SPEGNB: variants seen among roughly 807,000 people sequenced by gnomAD.
SPEGNB encodes the protein SPEG neighbor, also known as SPEG neighbor protein.
In SPEGNB, 12 loss-of-function variants were observed where a neutral mutation model predicts 18.3. The observed-to-expected ratio is 0.65, with a 90% CI of 0.42 to 1.06. The LOEUF (loss-of-function observed/expected upper bound fraction) is 1.06, where lower values mean the gene tolerates loss of function less well. SPEGNB is among the 50% of genes least tolerant of loss of function. The pLI is 0.00. For missense variants in SPEGNB, 273 were observed against 329.3 expected (o/e 0.83, Z 1.32); for synonymous variants, 113 against 138.8 (o/e 0.81, Z 1.31).
chr2:219,496,719 A>C, intron 2 of SPEGNB, 90 bp from the exon 3 acceptor site: 1 of 1,130,366 alleles, frequency 8.8e-7, no homozygotes, highest in South Asian at 1.6e-5. Flanking sequence ...TGGCCGGTCC[A>C]GGGGGCAGGT....
intron 3 of SPEGNB, chr2:219,497,478 T>G: frequency 5.1e-6 from 2 of 394,714 alleles, no homozygotes; most frequent in Non-Finnish European, 4.3e-6. Context: ...TGTGTGAACA[T>G]TCAGGGGCTT....
chr2:219,496,724 G>C (rs1396531399), intron 2 of SPEGNB, 85 bp from the exon 3 acceptor site: 3 of 1,140,106 alleles, frequency 2.6e-6, no homozygotes, highest in Admixed American at 3.5e-5. Flanking sequence ...GGTCCAGGGG[G>C]CAGGTAGGAG....
rs1430347772 is a variant in SPEGNB at position 219,498,081 on chromosome 2, G to A, written c.609G>A (p.Thr203=). 1 of 1,303,852 alleles carries A rather than the reference G, an allele frequency of 7.7e-7. No homozygotes were observed. The highest frequency in any genetic ancestry group is 1.0e-6 in the Non-Finnish European group (1 of 988,736). 80.8% of individuals were successfully genotyped at this position (1,303,852 alleles called of 1,614,324 possible). The change falls in exon 5 of 5, where the codon ACG becomes ACA. Residue 203 remains threonine (T), a synonymous_variant. Coordinates refer to ENST00000651166, the MANE Select transcript of SPEGNB (RefSeq NM_001286811.2). The part of the protein sequence containing the change: ...RVFFEIGSTT[T]TLTIRRATPQ... ...TCTTCGAGATCGGCAGCACCACCAC[G>A]ACGCTGACCATTCGCCGGGCCACGC...
rs1389813447 is a variant in SPEGNB at position 219,496,997 on chromosome 2, A to T, written c.317A>T (p.Asp106Val). The T allele has an allele frequency of 1.5e-6, 2 of 1,302,536 alleles. No individual in the cohort carries two copies. Among genetic ancestry groups the T allele is most frequent in the Non-Finnish European group, 2.0e-6 (2 of 987,574 alleles). 80.7% of individuals were successfully genotyped at this position (1,302,536 alleles called of 1,614,324 possible). The change falls in exon 3 of 5, where the codon GAC (aspartate) becomes GTC (valine). Residue 106 changes from aspartate to valine, a missense_variant. Physicochemically the swap from Asp to Val is radical, Grantham distance 152 (BLOSUM62 -3). Transcript: ENST00000651166. ...DGPKYRYVFE[D>V]PDVVALVVRD... ...CCCAAGTACCGCTACGTCTTCGAGG[A>T]CCCTGACGTGGTGGCACTGGTGGTG...
chr2:219,497,716 C>A lies in SPEGNB; in HGVS notation c.437-4C>A. On this transcript the variant is annotated splice_polypyrimidine_tract_variant and splice_region_variant and intron_variant, in intron 3 of 4. Coordinates refer to ENST00000651166, the MANE Select transcript of SPEGNB (RefSeq NM_001286811.2). ...GGGGTTTCGCTCCCCTTTCCTTCCG[C>A]TAGTCCCGACGAAGATTCAAAAGGG... The A allele has an allele frequency of 7.7e-7, 1 of 1,303,644 alleles. No homozygotes were observed. 80.8% of individuals were successfully genotyped at this position (1,303,644 alleles called of 1,614,324 possible). A position where few individuals can be genotyped will look rare whatever the true frequency, so the allele number is the denominator to read the frequency against.
chr2:219,497,822 G>T lies in SPEGNB; in HGVS notation c.539G>T (p.Gly180Val), dbSNP rs1445128481. Residue 180 changes from glycine (G) to valine (V), a missense_variant, in exon 4 of 5, where the codon GGC becomes GTC. By Grantham distance (109) the Gly-to-Val change is moderately radical (BLOSUM62 -3). Transcript: ENST00000651166. ...CTGGGAGAGCCTGCGCCCGACGTAGGCTGGACCAAGGACGGGGAGGACATC... is the reference window on the plus strand; with the variant it reads ...CTGGGAGAGCCTGCGCCCGACGTAGTCTGGACCAAGGACGGGGAGGACATC... ...EILGEPAPDV[G>V]WTKDGEDIEE... is the part of the protein sequence containing the mutation. 7.7e-7 allele frequency: 1 copy of T among 1,304,286 alleles called. No homozygotes were observed. Among genetic ancestry groups the T allele is most frequent in the Admixed American group, 2.3e-5 (1 of 43,576 alleles). The allele number at this position is 1,304,286 out of a possible 1,614,324, so 80.8% of individuals were successfully genotyped here.
rs548741085 is a variant in SPEGNB, at chr2:219,497,690, C to A, written c.437-30C>A. On this transcript the variant is annotated intron_variant, in intron 3 of 4. Transcript: ENST00000651166. ...CCCTGCCTCATCTCCGGGTCCTTCA[C>A]GGGGTTTCGCTCCCCTTTCCTTCCG... 3 of 1,297,720 alleles carry A rather than the reference C, an allele frequency of 2.3e-6. No individual in the cohort carries two copies. In the East Asian group the frequency reaches 1.7e-4, roughly 73 times the overall value. 80.4% of individuals were successfully genotyped at this position (1,297,720 alleles called of 1,614,324 possible).
At chr2:219,497,655 T>C in intron 3 of SPEGNB, 65 bp from the exon 4 acceptor site, 2 of 1,274,022 alleles carry the variant, frequency 1.6e-6, no homozygotes, top group Admixed American at 5.0e-5. Context: ...TATTAGCCGG[T>C]GAGGTGATGC....
chr2:219,498,072 C>T lies in SPEGNB; in HGVS notation c.600C>T (p.Ser200=). The T allele has an allele frequency of 3.8e-6, 5 of 1,303,258 alleles. No homozygotes were observed. Among genetic ancestry groups the T allele is most frequent in the Non-Finnish European group, 5.1e-6 (5 of 988,444 alleles). The allele number at this position is 1,303,258 out of a possible 1,614,324, so 80.7% of individuals were successfully genotyped here. A position where few individuals can be genotyped will look rare whatever the true frequency, so the allele number is the denominator to read the frequency against. ...EDDRVFFEIG[S]TTTTLTIRRA... ...GCAGGGTGTTCTTCGAGATCGGCAGCACCACCACGACGCTGACCATTCGCC... is the reference window on the plus strand; with the variant it reads ...GCAGGGTGTTCTTCGAGATCGGCAGTACCACCACGACGCTGACCATTCGCC... The change falls in exon 5 of 5, where the codon AGC becomes AGT. Residue 200 remains serine, a synonymous_variant. Coordinates refer to ENST00000651166, the MANE Select transcript of SPEGNB (RefSeq NM_001286811.2).
At position 219,497,761 on chromosome 2, in the gene SPEGNB, C is replaced by T. The variant is rs1694258852; in HGVS notation, c.478C>T (p.Arg160Cys). The change falls in exon 4 of 5, where the codon CGC (arginine) becomes TGC (cysteine). Residue 160 changes from arginine to cysteine, a missense_variant. Physicochemically the swap from Arg to Cys is radical, Grantham distance 180 (BLOSUM62 -3). Coordinates refer to ENST00000651166, the MANE Select transcript of SPEGNB (RefSeq NM_001286811.2). ...AAAGGGACCCGACAACACTAAGGCG[C>T]GCAAAGGCACCACCGTGACGCTGAC... ...IQKGPDNTKARKGTTVTLTAE... is the reference protein window; with the variant it reads ...IQKGPDNTKACKGTTVTLTAE... 7.7e-7 allele frequency: 1 copy of T among 1,304,330 alleles called. No homozygotes were observed. The allele number at this position is 1,304,330 out of a possible 1,614,324, so 80.8% of individuals were successfully genotyped here.
Position 219,496,925 on chromosome 2 carries a change from A to C in SPEGNB, c.245A>C (p.Asp82Ala), listed in dbSNP as rs1002237220. 2.3e-6 allele frequency: 3 copies of C among 1,301,988 alleles called. No individual in the cohort carries two copies. The African/African-American group carries it at 4.6e-5, about 20-fold the overall frequency. 80.7% of individuals were successfully genotyped at this position (1,301,988 alleles called of 1,614,324 possible). A position where few individuals can be genotyped will look rare whatever the true frequency, so the allele number is the denominator to read the frequency against. ...ACTTGCCGCATTTCGGCTTTCCCGG[A>C]CCCATTCATCCGCTGGAGTAAGGAC... The part of the protein sequence containing the change: ...KLTCRISAFP[D>A]PFIRWSKDGK... The change falls in exon 3 of 5, where the codon GAC (aspartate) becomes GCC (alanine). Residue 82 changes from aspartate to alanine, a missense_variant. Asp to Ala is a moderately radical substitution (Grantham distance 126, BLOSUM62 -2). Transcript: ENST00000651166.
In SPEGNB at chr2:219,498,141, G is replaced by C. The variant is rs751963990; in HGVS notation, c.669G>C (p.Glu223Asp). The C allele has an allele frequency of 3.1e-6, 4 of 1,304,356 alleles. No homozygotes were observed. In the South Asian group the frequency reaches 4.9e-5, roughly 16 times the overall value. The allele number at this position is 1,304,356 out of a possible 1,614,324, so 80.8% of individuals were successfully genotyped here. Residue 223 changes from glutamate (E) to aspartate (D), a missense_variant, in exon 5 of 5, where the codon GAG becomes GAC. Glu to Asp is a conservative substitution (Grantham distance 45). Transcript: ENST00000651166. The part of the protein sequence containing the change: ...QDSGKYEVYV[E>D]NSLGMDQSFA... ...GCGGCAAGTACGAGGTGTACGTGGA[G>C]AACAGCCTGGGCATGGACCAGAGCT...
chr2:219,497,127 C>T lies in SPEGNB; in HGVS notation c.436+11C>T. The stretch of plus-strand genomic sequence containing the variant: ...GCATCCTCGTGGAAGGTACGCGCGC[C>T]CCGGGCGCAGCGCCAGGGCGCAGAC... On this transcript the variant is annotated intron_variant, in intron 3 of 4. Coordinates refer to ENST00000651166, the MANE Select transcript of SPEGNB (RefSeq NM_001286811.2). 8.4e-7 allele frequency: 1 copy of T among 1,189,114 alleles called. No homozygotes were observed. Among genetic ancestry groups the T allele is most frequent in the Non-Finnish European group, 1.1e-6 (1 of 930,234 alleles). 73.7% of individuals were successfully genotyped at this position (1,189,114 alleles called of 1,614,324 possible). A position where few individuals can be genotyped will look rare whatever the true frequency, so the allele number is the denominator to read the frequency against.
chr2:219,497,200 T>A, intron 3 of SPEGNB, 84 bp downstream of exon 3: 1 of 1,036,612 alleles, frequency 9.6e-7, no homozygotes, highest in Non-Finnish European at 1.2e-6. Flanking sequence ...TGCGCGTGTT[T>A]ACCTCTGGGC....
chr2:219,498,144 C>T lies in SPEGNB; in HGVS notation c.672C>T (p.Asn224=). 1 of 1,304,352 alleles carries T rather than the reference C, an allele frequency of 7.7e-7. No homozygotes were observed. The highest frequency in any genetic ancestry group is 1.0e-6 in the Non-Finnish European group (1 of 988,976). The allele number at this position is 1,304,352 out of a possible 1,614,324, so 80.8% of individuals were successfully genotyped here. Residue 224 remains asparagine, a synonymous_variant, in exon 5 of 5, where the codon AAC becomes AAT. Transcript: ENST00000651166. The stretch of plus-strand genomic sequence containing the variant: ...GCAAGTACGAGGTGTACGTGGAGAA[C>T]AGCCTGGGCATGGACCAGAGCTTCG... The part of the protein sequence containing the change: ...DSGKYEVYVE[N]SLGMDQSFAR...
Position 219,498,101 on chromosome 2 carries a change from C to A in SPEGNB, c.629C>A (p.Ala210Asp), listed in dbSNP as rs1276809511. The change falls in exon 5 of 5, where the codon GCC becomes GAC. Residue 210 changes from alanine (A) to aspartate (D), a missense_variant. Coordinates refer to ENST00000651166, the MANE Select transcript of SPEGNB (RefSeq NM_001286811.2). Reference protein sequence around the residue: ...STTTTLTIRRATPQDSGKYEV... With the variant: ...STTTTLTIRRDTPQDSGKYEV... Reference sequence around the variant, plus strand: ...ACCACGACGCTGACCATTCGCCGGGCCACGCCTCAGGACAGCGGCAAGTAC... The same window carrying A: ...ACCACGACGCTGACCATTCGCCGGGACACGCCTCAGGACAGCGGCAAGTAC... The A allele has an allele frequency of 7.7e-7, 1 of 1,304,256 alleles. No individual in the cohort carries two copies. The highest frequency in any genetic ancestry group is 2.3e-5 in the Admixed American group (1 of 43,550). 80.8% of individuals were successfully genotyped at this position (1,304,256 alleles called of 1,614,324 possible). A position where few individuals can be genotyped will look rare whatever the true frequency, so the allele number is the denominator to read the frequency against.
At chr2:219,497,152 C>T in intron 3 of SPEGNB, 36 bp downstream of exon 3, 3 of 1,166,124 alleles carry the variant, frequency 2.6e-6, no homozygotes, top group Non-Finnish European at 3.3e-6. Context: ...AGGGCGCAGA[C>T]CAGCACCACT....
At chr2:219,496,240 C>T in intron 1 of SPEGNB, 23 bp downstream of exon 1, 2 of 980,730 alleles carry the variant, frequency 2.0e-6, no homozygotes, top group Middle Eastern at 2.7e-4. Flanking sequence ...CTCAGAGAAG[C>T]CGCAGACACC....
At position 219,497,739 on chromosome 2, in the gene SPEGNB, G is replaced by A. The variant is rs369137937; in HGVS notation, c.456G>A (p.Lys152=). 3.8e-6 allele frequency: 5 copies of A among 1,304,118 alleles called. No homozygotes were observed. In the African/African-American group the frequency reaches 7.6e-5, roughly 20 times the overall value. The allele number at this position is 1,304,118 out of a possible 1,614,324, so 80.8% of individuals were successfully genotyped here. A position where few individuals can be genotyped will look rare whatever the true frequency, so the allele number is the denominator to read the frequency against. ...ILVEVPTKIQ[K]GPDNTKARKG... ...CGCTAGTCCCGACGAAGATTCAAAA[G>A]GGACCCGACAACACTAAGGCGCGCA... Residue 152 remains lysine, a synonymous_variant, in exon 4 of 5, where the codon AAG becomes AAA. Transcript: ENST00000651166.
Sources: allele counts gnomAD v4.1 joint callset, GRCh38; gene constraint gnomAD v4.1.1; transcripts MANE v1.5; gene names NCBI Gene and HGNC (gene_info 2026-07-23, HGNC 2026-07-21).